The following ZBTB20 variants were observed in gnomAD, a reference collection of about 807,000 sequenced individuals.
The protein encoded by ZBTB20 is zinc finger and BTB domain containing 20.
In ZBTB20, 9 loss-of-function variants were observed where a neutral mutation model predicts 56.9. The ratio of observed to expected loss-of-function variants is 0.16; its 90% CI spans 0.10 to 0.28. The LOEUF (loss-of-function observed/expected upper bound fraction) is 0.28, where lower values mean the gene tolerates loss of function less well. ZBTB20 is among the 10% of genes least tolerant of loss of function. The pLI is 1.00. For missense variants in ZBTB20, 655 were observed against 1,003.0 expected (o/e 0.65, Z 4.69); for synonymous variants, 417 against 420.7 (o/e 0.99, Z 0.11).
At chr3:115,049,907 T>C (rs1332043614) in intron 2 of ZBTB20, among the ~76,000 whole-genome samples, 2 of 152,122 alleles carry the variant, frequency 1.3e-5, no homozygotes, top group Non-Finnish European at 2.9e-5. Flanking sequence ...ACAAGTTTAG[T>C]TTTTATTTCT....
chr3:114,448,595 C>T (rs2091415203), intron 7 of ZBTB20, among the ~76,000 whole-genome samples: 1 of 151,916 alleles, frequency 6.6e-6, no homozygotes, highest in Non-Finnish European at 1.5e-5. Context: ...GAAAAGATGG[C>T]CATACTCTTT....
chr3:114,500,946 C>T (rs541898715), intron 6 of ZBTB20, among the ~76,000 whole-genome samples: 141 of 152,294 alleles, frequency 9.3e-4, no homozygotes, highest in African/African-American at 3.0e-3. Context: ...CTATACAGTA[C>T]ATGACCAATT....
intron 6 of ZBTB20, among the ~76,000 whole-genome samples, chr3:114,593,726 A>T (rs1174582220): frequency 6.6e-6 from 1 of 152,202 alleles, no homozygotes; most frequent in Non-Finnish European, 1.5e-5. Context: ...CTAAAAACAT[A>T]TAACTGGTCA....
At chr3:114,730,278 T>G (rs2065636590) in intron 5 of ZBTB20, among the ~76,000 whole-genome samples, 1 of 152,096 alleles carries the variant, frequency 6.6e-6, no homozygotes, top group Non-Finnish European at 1.5e-5. Context: ...TATACATAAC[T>G]GCCACAAGCT....
chr3:114,443,194 G>A (rs1351135473), intron 7 of ZBTB20, among the ~76,000 whole-genome samples: 2 of 152,144 alleles, frequency 1.3e-5, no homozygotes, highest in Admixed American at 1.3e-4. Flanking sequence ...TGGCTGAAGA[G>A]GGAATCTATA....
At chr3:114,988,336 G>T (rs556472881) in intron 2 of ZBTB20, among the ~76,000 whole-genome samples, 1 of 145,648 alleles carries the variant, frequency 6.9e-6, no homozygotes, top group Admixed American at 7.1e-5. Flanking sequence ...CCACCTAAGA[G>T]TGAGAACATG....
chr3:114,520,394 A>T (rs2046506931), intron 6 of ZBTB20, among the ~76,000 whole-genome samples: 1 of 152,158 alleles, frequency 6.6e-6, no homozygotes, highest in African/African-American at 2.4e-5. Context: ...TCATGTACAT[A>T]ATTTTGTTCG....
chr3:114,346,914 C>T (rs1039330558), intron 11 of ZBTB20, among the ~76,000 whole-genome samples: 4 of 151,584 alleles, frequency 2.6e-5, no homozygotes, highest in Non-Finnish European at 4.4e-5. Flanking sequence ...TCAAACTCCT[C>T]GGCTCAAGTG....
chr3:114,952,042 GA>G (rs1427804316), intron 3 of ZBTB20, among the ~76,000 whole-genome samples: 1 of 151,926 alleles, frequency 6.6e-6, no homozygotes, highest in Admixed American at 6.6e-5. Context: ...GAGCAATAAA[GA>G]AAAAAAGTGG....
At chr3:114,537,459 T>C (rs997556146) in intron 6 of ZBTB20, among the ~76,000 whole-genome samples, 4 of 152,178 alleles carry the variant, frequency 2.6e-5, no homozygotes, top group African/African-American at 9.6e-5. Flanking sequence ...CCAGTTAGAA[T>C]GGCGATCATT....
At chr3:114,540,632 T>C (rs2049005485) in intron 6 of ZBTB20, among the ~76,000 whole-genome samples, 1 of 152,132 alleles carries the variant, frequency 6.6e-6, no homozygotes, top group Admixed American at 6.6e-5. Flanking sequence ...TTTATCTGTG[T>C]TCCTGTAGCC....
intron 3 of ZBTB20, among the ~76,000 whole-genome samples, chr3:114,925,910 T>C (rs778816294): frequency 2.0e-5 from 3 of 152,192 alleles, no homozygotes; most frequent in East Asian, 3.9e-4. Flanking sequence ...ATGTGTTACA[T>C]TGAGCCAAAG....
chr3:114,391,646 G>T (rs534608830), intron 7 of ZBTB20, among the ~76,000 whole-genome samples: 1 of 152,164 alleles, frequency 6.6e-6, no homozygotes, highest in African/African-American at 2.4e-5. Flanking sequence ...CTTCTTGCAC[G>T]TTAAGTTTGC....
chr3:115,094,212 G>A (rs2083298236), intron 1 of ZBTB20, among the ~76,000 whole-genome samples: 1 of 151,948 alleles, frequency 6.6e-6, no homozygotes, highest in Non-Finnish European at 1.5e-5. Context: ...CTAAAGCTAA[G>A]GTAATAGGTA....
At chr3:114,867,850 A>G (rs2075830505) in intron 4 of ZBTB20, among the ~76,000 whole-genome samples, 1 of 152,212 alleles carries the variant, frequency 6.6e-6, no homozygotes, top group South Asian at 2.1e-4. Flanking sequence ...CATGCTGGAG[A>G]TGGCAATTAA....
At chr3:114,773,708 T>A (rs6781098) in intron 5 of ZBTB20, among the ~76,000 whole-genome samples, 19,358 of 151,958 alleles carry the variant, frequency 0.13, 1,902 homozygotes, top group African/African-American at 0.27. Context: ...TATAAAGGCA[T>A]GAAGATAATG....
chr3:114,976,487 G>C (rs751944974), intron 2 of ZBTB20, among the ~76,000 whole-genome samples: 2 of 151,998 alleles, frequency 1.3e-5, no homozygotes, highest in South Asian at 4.1e-4. Flanking sequence ...TTAGCCGGGC[G>C]TGGTGGCGGG....
intron 6 of ZBTB20, among the ~76,000 whole-genome samples, chr3:114,630,665 G>A (rs1048811259): frequency 2.6e-5 from 4 of 152,206 alleles, no homozygotes; most frequent in Non-Finnish European, 4.4e-5. Flanking sequence ...TGCCAAAGTA[G>A]TGCATGACAA....
At chr3:114,468,850 G>A (rs1253263384) in intron 7 of ZBTB20, among the ~76,000 whole-genome samples, 1 of 152,078 alleles carries the variant, frequency 6.6e-6, no homozygotes, top group African/African-American at 2.4e-5. Flanking sequence ...GAGCAAATGA[G>A]TGAAGTAGGT....
Sources: allele counts gnomAD v4.1 joint callset (sites outside exome capture counted in the v4.1 genomes callset), GRCh38; gene constraint gnomAD v4.1.1; transcripts MANE v1.5; gene names NCBI Gene and HGNC (gene_info 2026-07-23, HGNC 2026-07-21).